Variants in PCM1 observed in about 807,000 individuals in gnomAD.
PCM1 encodes the protein pericentriolar material 1, also known as pericentriolar material 1 protein.
A neutral mutation model predicts 241.9 loss-of-function variants in PCM1; 157 were observed. The observed-to-expected ratio is 0.65, with a 90% confidence interval of 0.57 to 0.74. The LOEUF is 0.74. PCM1 is among the 30% of genes least tolerant of loss of function. The probability of loss-of-function intolerance (pLI) is 0.00; values close to 1 mark genes in which losing one functional copy is unlikely to be tolerated. For missense variants in PCM1, 3,478 were observed against 2,360.1 expected (o/e 1.47, Z -9.81); for synonymous variants, 1,085 against 784.9 (o/e 1.38, Z -6.39).
At chr8:17,988,993 C>T (rs995309495) in intron 26 of PCM1, among the ~76,000 whole-genome samples, 3 of 151,978 alleles carry the variant, frequency 2.0e-5, no homozygotes, top group African/African-American at 7.2e-5. Context: ...CACAAAAACA[C>T]TTGCACATTA....
intron 28 of PCM1, 146 bp downstream of exon 28, chr8:17,991,846 T>A (rs534486535): frequency 8.3e-5 from 43 of 519,388 alleles, no homozygotes; most frequent in African/African-American, 6.8e-4. Context: ...GTTTGATCCC[T>A]CACCCCCTTC....
intron 36 of PCM1, among the ~76,000 whole-genome samples, chr8:18,018,179 T>C (rs970985429): frequency 6.6e-6 from 1 of 152,214 alleles, no homozygotes; most frequent in African/African-American, 2.4e-5. Flanking sequence ...TGACACTAAA[T>C]TGAGAGGGCA....
chr8:17,929,699 C>T (rs769593016), intron 2 of PCM1, among the ~76,000 whole-genome samples: 8 of 152,088 alleles, frequency 5.3e-5, no homozygotes, highest in Non-Finnish European at 1.2e-4. Flanking sequence ...AGTAGTCTGC[C>T]CTATTCTGTG....
rs1263816659 is a variant in PCM1 at position 17,966,041 on chromosome 8, T to A, written c.2898T>A (p.Arg966=). 1.2e-6 allele frequency: 2 copies of A among 1,612,262 alleles called. No individual in the cohort carries two copies. Among genetic ancestry groups the A allele is most frequent in the African/African-American group, 2.7e-5 (2 of 74,886 alleles). ...NCPFSADENY[R]PLAKTRQQNI... ...CTTTTTCGGCAGATGAAAATTATCG[T>A]CCTTTAGCCAAGACAAGGCAACAGA... The change falls in exon 19 of 39, where the codon CGT becomes CGA. Residue 966 remains arginine, a synonymous_variant. Transcript: ENST00000325083.
chr8:17,964,840 C>T lies in PCM1; in HGVS notation c.2855+72C>T, dbSNP rs539493999. 1.4e-5 allele frequency: 16 copies of T among 1,118,436 alleles called. No individual in the cohort carries two copies. The South Asian group carries it at 2.0e-4, about 14-fold the overall frequency. The allele number at this position is 1,118,436 out of a possible 1,614,324, so 69.3% of individuals were successfully genotyped here. ...TCTTTTTGACTGACAGCAAGCACTTCTGCAGTTCTCCAAGCCAACTGAATG... is the reference window on the plus strand; with the variant it reads ...TCTTTTTGACTGACAGCAAGCACTTTTGCAGTTCTCCAAGCCAACTGAATG... On this transcript the variant is annotated intron_variant, in intron 18 of 38. Transcript: ENST00000325083.
At chr8:17,976,344 C>G (rs770005104) in intron 23 of PCM1, among the ~76,000 whole-genome samples, 1 of 152,310 alleles carries the variant, frequency 6.6e-6, no homozygotes, top group Non-Finnish European at 1.5e-5. Context: ...CACCCTGTTG[C>G]TGAGGAATCA....
intron 15 of PCM1, 83 bp downstream of exon 15, chr8:17,960,527 G>GTTTTTGTTTTTTTTTTTTT: frequency 2.4e-6 from 1 of 412,976 alleles, no homozygotes; most frequent in East Asian, 5.0e-5. Flanking sequence ...TTTTGTTTTT[G>GTTTTTGTTTTTTTTTTTTT]TTTTTCTTTT....
intron 1 of PCM1, among the ~76,000 whole-genome samples, chr8:17,924,472 T>C (rs2056085955): frequency 6.6e-6 from 1 of 152,212 alleles, no homozygotes; most frequent in Non-Finnish European, 1.5e-5. Flanking sequence ...TGTTCCGAAA[T>C]AGATATCACT....
intron 24 of PCM1, among the ~76,000 whole-genome samples, chr8:17,981,514 A>G (rs75912256): frequency 3.7e-3 from 570 of 152,256 alleles, no homozygotes; most frequent in Non-Finnish European, 6.2e-3. Flanking sequence ...TAATTTGTAA[A>G]GAGCATCTCA....
At chr8:17,930,237 A>C (rs2058563421) in intron 2 of PCM1, among the ~76,000 whole-genome samples, 1 of 151,154 alleles carries the variant, frequency 6.6e-6, no homozygotes, top group African/African-American at 2.4e-5. Flanking sequence ...AGTAGCTGGG[A>C]CTACAGGTGC....
At position 18,011,292 on chromosome 8, in the gene PCM1, G is replaced by A. The variant is rs370441415; in HGVS notation, c.5276G>A (p.Gly1759Asp). Residue 1759 changes from glycine (G) to aspartate (D), a missense_variant, in exon 33 of 39, where the codon GGT (glycine) becomes GAT (aspartate). Gly to Asp is a moderately conservative substitution (Grantham distance 94). Transcript: ENST00000325083. ...ACTCAAACATCTGAGGTGTATGATGGTCCCAAAAATGTAAGATCTGATATT... is the reference window on the plus strand; with the variant it reads ...ACTCAAACATCTGAGGTGTATGATGATCCCAAAAATGTAAGATCTGATATT... ...KQTQTSEVYDGPKNVRSDISD... is the reference protein window; with the variant it reads ...KQTQTSEVYDDPKNVRSDISD... The A allele has an allele frequency of 2.5e-6, 4 of 1,607,456 alleles. No homozygotes were observed. The highest frequency in any genetic ancestry group is 3.4e-6 in the Non-Finnish European group (4 of 1,176,860).
intron 2 of PCM1, among the ~76,000 whole-genome samples, chr8:17,932,559 C>T (rs995030028): frequency 4.0e-5 from 6 of 151,526 alleles, no homozygotes; most frequent in Admixed American, 6.6e-5. Flanking sequence ...TATATTTCTC[C>T]GGTTTTATTT....
At chr8:17,949,043 T>C (rs2064995106) in intron 7 of PCM1, among the ~76,000 whole-genome samples, 2 of 152,218 alleles carry the variant, frequency 1.3e-5, no homozygotes, top group African/African-American at 4.8e-5. Flanking sequence ...GTCTTGTTTC[T>C]TTTTCTGAAT....
Position 17,957,557 on chromosome 8 carries a change from G to C in PCM1, c.1822G>C (p.Glu608Gln). ...TTCAGCAGATTGTCGATATAATAGA[G>C]AAGGGGAACAGGAGATTCATGTTGC... ...PPSLDCRYNR[E>Q]GEQEIHVAQG... Residue 608 changes from glutamate to glutamine, a missense_variant, in exon 13 of 39, where the codon GAA (glutamate) becomes CAA (glutamine). Physicochemically the swap from Glu to Gln is conservative, Grantham distance 29. Coordinates refer to ENST00000325083, the MANE Select transcript of PCM1 (RefSeq NM_006197.4). The C allele has an allele frequency of 1.3e-6, 2 of 1,578,780 alleles. No individual in the cohort carries two copies. Among genetic ancestry groups the C allele is most frequent in the South Asian group, 2.3e-5 (2 of 88,126 alleles).
intron 23 of PCM1, among the ~76,000 whole-genome samples, chr8:17,979,180 C>T (rs1239888584): frequency 6.6e-6 from 1 of 151,516 alleles, no homozygotes; most frequent in African/African-American, 2.4e-5. Context: ...AGACTGTTAG[C>T]CAGTGTACAT....
chr8:17,960,542 T>TTTTTTTTTTTTTTG (rs1586890974), intron 15 of PCM1, 98 bp downstream of exon 15: 3 of 942,700 alleles, frequency 3.2e-6, no homozygotes, highest in South Asian at 1.8e-5. Context: ...TCTTTTTTTT[T>TTTTTTTTTTTTTTG]GAGGCAGAGT....
At chr8:17,923,873 G>C (rs114885600) in intron 1 of PCM1, among the ~76,000 whole-genome samples, 1,833 of 152,288 alleles carry the variant, frequency 0.012, 39 homozygotes, top group African/African-American at 0.042. Context: ...GTGGGACTGG[G>C]GGAAACGTTG....
At chr8:18,026,158 C>T (rs2094180939) in intron 38 of PCM1, among the ~76,000 whole-genome samples, 1 of 328 alleles carries the variant, frequency 3.0e-3, no homozygotes, top group Non-Finnish European at 6.7e-3. Context: ...AGCGAGACTC[C>T]CTCTCTGAAA....
At chr8:17,942,326 G>T (rs1012106498) in intron 6 of PCM1, among the ~76,000 whole-genome samples, 13 of 152,216 alleles carry the variant, frequency 8.5e-5, no homozygotes, top group African/African-American at 3.1e-4. Flanking sequence ...AATTAGCTGG[G>T]CACGGTGGCG....
Sources: gnomAD v4.1 joint callset for allele counts (sites outside exome capture counted in the v4.1 genomes callset) on GRCh38, gnomAD v4.1.1 for gene constraint, MANE v1.5 for transcripts, NCBI Gene and HGNC (gene_info 2026-07-23, HGNC 2026-07-21) for gene names.